The following PTPRT variants were observed in gnomAD, a reference collection of about 807,000 sequenced individuals.
PTPRT encodes the protein receptor-type tyrosine-protein phosphatase T.
In PTPRT, 56 loss-of-function variants were observed where a neutral mutation model predicts 176.8. The observed-to-expected ratio is 0.32, with a 90% CI of 0.26 to 0.40. PTPRT has a LOEUF of 0.40. Among genes scored for constraint, PTPRT ranks in the 10% least tolerant of loss-of-function variants. PTPRT has a pLI of 1.00. For missense variants in PTPRT, 1,540 were observed against 1,908.2 expected (o/e 0.81, Z 3.60); for synonymous variants, 783 against 739.0 (o/e 1.06, Z -0.96).
chr20:42,808,703 T>A (rs1195396981), intron 2 of PTPRT, among the ~76,000 whole-genome samples: 1 of 151,984 alleles, frequency 6.6e-6, no homozygotes, highest in Non-Finnish European at 1.5e-5. Context: ...AAGTAGATAG[T>A]TTTCATACAA....
intron 4 of PTPRT, among the ~76,000 whole-genome samples, chr20:42,772,453 G>A (rs1265405748): frequency 6.6e-6 from 1 of 152,090 alleles, no homozygotes; most frequent in Admixed American, 6.6e-5. Context: ...TGAAAATCAG[G>A]GTGTGTATGA....
At chr20:42,495,353 C>T (rs925654649) in intron 7 of PTPRT, among the ~76,000 whole-genome samples, 2 of 152,148 alleles carry the variant, frequency 1.3e-5, no homozygotes, top group Admixed American at 6.6e-5. Context: ...GAGGGCAGTG[C>T]CTTCTGCATT....
intron 2 of PTPRT, among the ~76,000 whole-genome samples, chr20:42,822,664 C>G (rs2077916595): frequency 6.6e-6 from 1 of 152,094 alleles, no homozygotes; most frequent in Non-Finnish European, 1.5e-5. Context: ...TGACAAAAAT[C>G]TAATATCCAC....
chr20:42,121,922 AGTCAAATACCG>A (rs1987611715), intron 19 of PTPRT, among the ~76,000 whole-genome samples: 1 of 152,130 alleles, frequency 6.6e-6, no homozygotes, highest in African/African-American at 2.4e-5. Context: ...AGAAACAGAA[AGTCAAATACCG>A]CATGTTTTCA....
At chr20:42,759,814 C>T (rs776152884) in intron 5 of PTPRT, among the ~76,000 whole-genome samples, 37 of 152,180 alleles carry the variant, frequency 2.4e-4, no homozygotes, top group Non-Finnish European at 4.9e-4. Context: ...GTGAAATCAT[C>T]GTCTGGCCCT....
intron 13 of PTPRT, among the ~76,000 whole-genome samples, chr20:42,266,413 C>T (rs993116767): frequency 1.3e-5 from 2 of 152,052 alleles, no homozygotes; most frequent in Non-Finnish European, 2.9e-5. Context: ...CAGGCCACCC[C>T]CTTGAGGCCT....
At chr20:42,253,450 C>T (rs2056582463) in intron 13 of PTPRT, among the ~76,000 whole-genome samples, 1 of 152,156 alleles carries the variant, frequency 6.6e-6, no homozygotes, top group African/African-American at 2.4e-5. Flanking sequence ...CCATGAGAGT[C>T]AGGCTTAGTA....
chr20:43,140,265 G>C (rs534503407), intron 1 of PTPRT, among the ~76,000 whole-genome samples: 13 of 152,152 alleles, frequency 8.5e-5, no homozygotes, highest in African/African-American at 3.1e-4. Flanking sequence ...CTCTTTAATG[G>C]TATTTCACAG....
chr20:42,259,329 T>TA (rs1186661798), intron 13 of PTPRT, among the ~76,000 whole-genome samples: 1 of 152,214 alleles, frequency 6.6e-6, no homozygotes, highest in Non-Finnish European at 1.5e-5. Flanking sequence ...GTCTTTTTTT[T>TA]ATCCATGGAA....
intron 4 of PTPRT, among the ~76,000 whole-genome samples, chr20:42,775,746 G>T (rs2077126132): frequency 6.6e-6 from 1 of 152,124 alleles, no homozygotes; most frequent in African/African-American, 2.4e-5. Flanking sequence ...CTCGCTCCCT[G>T]GAACTTTTGG....
chr20:43,043,212 G>GGT (rs1252536837), intron 1 of PTPRT, among the ~76,000 whole-genome samples: 5 of 152,138 alleles, frequency 3.3e-5, no homozygotes, highest in Admixed American at 2.6e-4. Flanking sequence ...ATCTGGCAGG[G>GGT]GTGTGAGAGG....
intron 3 of PTPRT, 21 bp from the exon 4 acceptor site, chr20:42,780,320 G>C: frequency 6.3e-7 from 1 of 1,596,686 alleles, no homozygotes; most frequent in Non-Finnish European, 8.6e-7. Flanking sequence ...CAGGGCGGGA[G>C]TCAATTTCAC....
At chr20:42,171,516 C>A (rs1990077817) in intron 16 of PTPRT, among the ~76,000 whole-genome samples, 1 of 152,092 alleles carries the variant, frequency 6.6e-6, no homozygotes, top group South Asian at 2.1e-4. Context: ...TCAATGTGTA[C>A]TATTTCAATC....
intron 2 of PTPRT, among the ~76,000 whole-genome samples, chr20:42,883,689 A>ACACCCATACACATG: frequency 1.6e-4 from 1 of 6,076 alleles, no homozygotes; most frequent in Non-Finnish European, 4.2e-4. Flanking sequence ...GGACACACAC[A>ACACCCATACACATG]CACACCTCCC....
At chr20:42,047,412 G>C in the PTPRT span, among the ~76,000 whole-genome samples, 1 of 152,188 alleles carries the variant, frequency 6.6e-6, no homozygotes, top group Non-Finnish European at 1.5e-5. Context: ...TTGAAGACAG[G>C]CCACCAGACC....
chr20:42,109,483 A>G (rs1341127483), intron 23 of PTPRT, among the ~76,000 whole-genome samples: 1 of 152,124 alleles, frequency 6.6e-6, no homozygotes, highest in African/African-American at 2.4e-5. Flanking sequence ...AGCTGAAAAT[A>G]TCTCTTCTTC....
intron 5 of PTPRT, among the ~76,000 whole-genome samples, chr20:42,762,175 T>C (rs999673446): frequency 6.6e-6 from 1 of 152,218 alleles, no homozygotes; most frequent in Non-Finnish European, 1.5e-5. Flanking sequence ...ATTCTTTTAA[T>C]ATATTATTAA....
At chr20:42,727,126 G>T (rs2076392920) in intron 6 of PTPRT, among the ~76,000 whole-genome samples, 1 of 152,156 alleles carries the variant, frequency 6.6e-6, no homozygotes, top group African/African-American at 2.4e-5. Flanking sequence ...ACAGGACAGA[G>T]AGAGGCCTCC....
intron 1 of PTPRT, among the ~76,000 whole-genome samples, chr20:42,907,399 C>G (rs552507136): frequency 2.5e-4 from 38 of 152,178 alleles, no homozygotes; most frequent in Middle Eastern, 3.4e-3. Flanking sequence ...TCAAACCCTC[C>G]AACCTCAACG....
Sources: allele counts gnomAD v4.1 joint callset (sites outside exome capture counted in the v4.1 genomes callset), GRCh38; gene constraint gnomAD v4.1.1; transcripts MANE v1.5; gene names NCBI Gene and HGNC (gene_info 2026-07-23, HGNC 2026-07-21).